The following RBFOX1 variants were observed in gnomAD, a reference collection of about 807,000 sequenced individuals.
RBFOX1 encodes the protein RNA binding fox-1 homolog 1.
Under a neutral mutation model 57.7 loss-of-function variants are expected in RBFOX1, and 8 were observed. The observed-to-expected ratio is 0.14, with a 90% CI of 0.08 to 0.25. The LOEUF (loss-of-function observed/expected upper bound fraction) is 0.25, where lower values mean the gene tolerates loss of function less well. Ranked by LOEUF, RBFOX1 falls within the 10% of genes least tolerant of loss-of-function variation. The pLI, the probability that RBFOX1 is intolerant of heterozygous loss-of-function variation, is 1.00. For missense variants in RBFOX1, 611 were observed against 548.5 expected (o/e 1.11, Z -1.14); for synonymous variants, 326 against 222.4 (o/e 1.47, Z -4.15).
At chr16:5,310,368 T>A (rs1161488285) in intron 1 of RBFOX1, among the ~76,000 whole-genome samples, 2 of 151,846 alleles carry the variant, frequency 1.3e-5, no homozygotes, top group Non-Finnish European at 2.9e-5. Context: ...GCCACTGTAC[T>A]CCACCCTGGG....
chr16:6,450,407 A>T (rs2094565581), intron 2 of RBFOX1, among the ~76,000 whole-genome samples: 1 of 152,044 alleles, frequency 6.6e-6, no homozygotes, highest in Non-Finnish European at 1.5e-5. Flanking sequence ...TAACTGTGCT[A>T]ATTTTATTGG....
At chr16:7,187,638 G>A (rs1309348286) in intron 4 of RBFOX1, among the ~76,000 whole-genome samples, 2 of 132,064 alleles carry the variant, frequency 1.5e-5, no homozygotes, top group Non-Finnish European at 3.1e-5. Flanking sequence ...GCAGTGAGCC[G>A]AGATCGTGCC....
chr16:5,981,048 A>G (rs1482142676), intron 4 of RBFOX1, among the ~76,000 whole-genome samples: 1 of 152,204 alleles, frequency 6.6e-6, no homozygotes, highest in Non-Finnish European at 1.5e-5. Flanking sequence ...ACCCCAGGCT[A>G]CGTTCCTCTT....
intron 3 of RBFOX1, among the ~76,000 whole-genome samples, chr16:6,874,392 C>T (rs1458394552): frequency 1.3e-5 from 2 of 151,660 alleles, no homozygotes; most frequent in Non-Finnish European, 2.9e-5. Flanking sequence ...TGCCTGTAGT[C>T]CCAGCTACTT....
At chr16:6,961,469 T>A (rs2082994890) in intron 3 of RBFOX1, among the ~76,000 whole-genome samples, 1 of 152,118 alleles carries the variant, frequency 6.6e-6, no homozygotes, top group Non-Finnish European at 1.5e-5. Flanking sequence ...CCGATCAAGA[T>A]CCCAAAGGAG....
chr16:6,079,690 G>C (rs2095969718), intron 1 of RBFOX1, among the ~76,000 whole-genome samples: 1 of 152,066 alleles, frequency 6.6e-6, no homozygotes, highest in Non-Finnish European at 1.5e-5. Context: ...AAATAAGTTA[G>C]CCAGGTGTGA....
intron 14 of RBFOX1, among the ~76,000 whole-genome samples, chr16:7,682,180 T>C (rs1363321554): frequency 6.6e-6 from 1 of 152,164 alleles, no homozygotes; most frequent in Non-Finnish European, 1.5e-5. Context: ...CCAATTTTGT[T>C]TTTCATGTTC....
intron 11 of RBFOX1, among the ~76,000 whole-genome samples, chr16:7,651,160 C>T (rs190877269): frequency 6.6e-6 from 1 of 152,312 alleles, no homozygotes; most frequent in East Asian, 1.9e-4. Flanking sequence ...ATTTTACCCG[C>T]ATTGTGATAG....
At chr16:6,912,158 T>G (rs2071790989) in intron 3 of RBFOX1, among the ~76,000 whole-genome samples, 1 of 152,192 alleles carries the variant, frequency 6.6e-6, no homozygotes, top group Non-Finnish European at 1.5e-5. Context: ...TTTCATGCCA[T>G]AAAGAATGAG....
At chr16:7,204,766 A>G (rs907363072) in intron 4 of RBFOX1, among the ~76,000 whole-genome samples, 5 of 151,688 alleles carry the variant, frequency 3.3e-5, no homozygotes, top group Admixed American at 2.0e-4. Flanking sequence ...CCTCTCCCCA[A>G]TCCTTTCTCT....
intron 3 of RBFOX1, among the ~76,000 whole-genome samples, chr16:6,862,172 C>T (rs2059137875): frequency 6.6e-6 from 1 of 152,132 alleles, no homozygotes. Flanking sequence ...GAAGGGCTTG[C>T]TGTGTGTGTC....
Position 5,841,099 on chromosome 16 carries a change from C to A in RBFOX1, c.319-26204C>A, listed in dbSNP as rs185773502. Among the ~76,000 whole-genome samples the A allele has an allele frequency of 1.7e-4, 26 of 152,268 alleles. No homozygotes were observed. In the East Asian group the frequency reaches 3.7e-3, roughly 21 times the overall value. Reference sequence around the variant, plus strand: ...GTCCTGGGAATAACCGTGGTGAATACTAATGTCGATTGAGTGATTTCCTGG... The same window carrying A: ...GTCCTGGGAATAACCGTGGTGAATAATAATGTCGATTGAGTGATTTCCTGG... On this transcript the variant is annotated intron_variant, in intron 3 of 19. Transcript: ENST00000641259.
intron 4 of RBFOX1, among the ~76,000 whole-genome samples, chr16:7,094,519 C>G (rs557530079): frequency 2.6e-5 from 4 of 152,206 alleles, no homozygotes; most frequent in Admixed American, 2.6e-4. Flanking sequence ...CTTTGCATTC[C>G]TATGTCATCT....
At chr16:5,850,952 G>T (rs2056882805) in intron 3 of RBFOX1, among the ~76,000 whole-genome samples, 1 of 152,214 alleles carries the variant, frequency 6.6e-6, no homozygotes, top group Non-Finnish European at 1.5e-5. Flanking sequence ...GGCATATCCT[G>T]CTGCGTTCCC....
chr16:5,895,665 A>G (rs79962188), intron 4 of RBFOX1, among the ~76,000 whole-genome samples: 4 of 152,192 alleles, frequency 2.6e-5, no homozygotes, highest in Non-Finnish European at 4.4e-5. Flanking sequence ...GGGTAAGTCA[A>G]TTTAACTCTT....
chr16:7,303,465 C>G (rs886612597), intron 4 of RBFOX1, among the ~76,000 whole-genome samples: 2 of 152,244 alleles, frequency 1.3e-5, no homozygotes, highest in South Asian at 2.1e-4. Flanking sequence ...CGCTAATTGT[C>G]CAGCTCGCCT....
chr16:5,256,619 C>T (rs1186844064), intron 1 of RBFOX1, among the ~76,000 whole-genome samples: 3 of 152,080 alleles, frequency 2.0e-5, no homozygotes, highest in Non-Finnish European at 2.9e-5. Flanking sequence ...TCATACTGGA[C>T]CTCGAAGCTT....
chr16:6,317,445 A>G (rs2081250130), intron 2 of RBFOX1, among the ~76,000 whole-genome samples: 1 of 152,168 alleles, frequency 6.6e-6, no homozygotes, highest in South Asian at 2.1e-4. Context: ...CAGCAAACAC[A>G]GATCAGTTAC....
At chr16:5,833,846 T>C (rs2056365978) in intron 3 of RBFOX1, among the ~76,000 whole-genome samples, 1 of 152,230 alleles carries the variant, frequency 6.6e-6, no homozygotes, top group Admixed American at 6.5e-5. Context: ...TTGGAGTCTC[T>C]TATGCATCAT....
Sources: allele counts gnomAD v4.1 joint callset (sites outside exome capture counted in the v4.1 genomes callset), GRCh38; gene constraint gnomAD v4.1.1; transcripts MANE v1.5; gene names NCBI Gene and HGNC (gene_info 2026-07-23, HGNC 2026-07-21).